CEACAM20: variants seen among roughly 807,000 people sequenced by gnomAD.
CEACAM20 encodes the protein cell adhesion molecule CEACAM20.
In CEACAM20, 50 loss-of-function variants were observed where a neutral mutation model predicts 61.2. The ratio of observed to expected loss-of-function variants is 0.82; its 90% CI spans 0.65 to 1.03. The LOEUF is 1.03. CEACAM20 is among the 50% of genes least tolerant of loss of function. The pLI is 0.00. For missense variants in CEACAM20, 683 were observed against 736.4 expected, an observed-to-expected ratio of 0.93 and a Z score of 0.84; for synonymous variants, 282 against 287.7, an observed-to-expected ratio of 0.98 and a Z score of 0.20.
chr19:44,526,203 C>T (rs1971524011), intron 1 of CEACAM20, among the ~76,000 whole-genome samples: 1 of 152,118 alleles, frequency 6.6e-6, no homozygotes, highest in African/African-American at 2.4e-5. Flanking sequence ...GAAAGGAGAA[C>T]AAGATAGCAG....
chr19:44,528,308 A>C (rs1308017478), intron 1 of CEACAM20, among the ~76,000 whole-genome samples: 1 of 150,574 alleles, frequency 6.6e-6, no homozygotes. Context: ...GGTTCACTGC[A>C]ACTTCTGCCT....
Position 44,511,870 on chromosome 19 carries a change from C to A in CEACAM20, c.1575+147G>T, listed in dbSNP as rs1016952430. 1.2e-5 allele frequency: 11 copies of A among 901,030 alleles called. No homozygotes were observed. In the African/African-American group the frequency reaches 1.5e-4, roughly 12 times the overall value. The allele number at this position is 901,030 out of a possible 1,614,324, so 55.8% of individuals were successfully genotyped here. On this transcript the variant is annotated intron_variant, in intron 9 of 11. Transcript: ENST00000614924. ...AAAAACCCGGGAGGGTCTTGAGATC[C>A]TCAGAGAAGTCAGAGGAGGAGATGC...
chr19:44,528,028 G>A (rs779326880), intron 1 of CEACAM20, among the ~76,000 whole-genome samples: 5 of 151,598 alleles, frequency 3.3e-5, no homozygotes, highest in Non-Finnish European at 1.5e-5. Context: ...CTCTCTCCCC[G>A]CGTTTCTGAA....
intron 1 of CEACAM20, among the ~76,000 whole-genome samples, chr19:44,528,632 G>A (rs548691264): frequency 6.6e-6 from 1 of 151,804 alleles, no homozygotes; most frequent in Non-Finnish European, 1.5e-5. Context: ...CTGGTTCTGT[G>A]GCTGTGACTC....
rs147633867 is a variant in CEACAM20, at chr19:44,523,409, A to AAATGAATGAATG, written c.473-509_473-498dup. Among the ~76,000 whole-genome samples the AAATGAATGAATG allele has an allele frequency of 5.3e-3, 796 of 149,910 alleles. 5 individuals are homozygous for AAATGAATGAATG. Among genetic ancestry groups the AAATGAATGAATG allele is most frequent in the African/African-American group, 0.015 (626 of 40,612 alleles). On this transcript the variant is annotated intron_variant, in intron 3 of 11. Transcript: ENST00000614924. ...GGACAGCAGAGAGAAATCTTGTCTC[A>AAATGAATGAATG]AATGAATGAATGAATGAATGAATGA...
chr19:44,513,094 G>T, intron 7 of CEACAM20, 78 bp downstream of exon 7: 1 of 1,337,772 alleles, frequency 7.5e-7, no homozygotes, highest in Admixed American at 2.0e-5. Context: ...TCAGCACCAT[G>T]GTCAGCAACA....
At chr19:44,513,366 G>A in intron 6 of CEACAM20, 77 bp from the exon 7 acceptor site, 1 of 911,420 alleles carries the variant, frequency 1.1e-6, no homozygotes, top group Admixed American at 2.4e-5. Context: ...CAAGCTTGCA[G>A]CTTTTTCTCT....
chr19:44,528,139 T>G (rs1971582692), intron 1 of CEACAM20, among the ~76,000 whole-genome samples: 1 of 129,332 alleles, frequency 7.7e-6, no homozygotes, highest in Non-Finnish European at 1.6e-5. Context: ...GGTATCTCTT[T>G]CTTTCTTTTC....
chr19:44,529,554 C>G lies in CEACAM20; in HGVS notation c.-45G>C. ...CAGTGTGCCAGGCCGTCTGTCGCCC[C>G]GGCTTGCACACACAGATACAGTCCT... On this transcript the variant is annotated 5_prime_UTR_variant, in exon 1 of 12. Transcript: ENST00000614924. 6.3e-7 allele frequency: 1 copy of G among 1,585,490 alleles called. No individual in the cohort carries two copies. Among genetic ancestry groups the G allele is most frequent in the Non-Finnish European group, 8.7e-7 (1 of 1,154,718 alleles).
chr19:44,506,299 T>C, intron 11 of CEACAM20, 85 bp from the exon 12 acceptor site: 1 of 1,197,164 alleles, frequency 8.4e-7, no homozygotes, highest in African/African-American at 1.5e-5. Flanking sequence ...CCAAACAGCC[T>C]GGAGCTTTCC....
Position 44,511,106 on chromosome 19 carries a change from T to G in CEACAM20, c.1661A>C (p.Lys554Thr). The change falls in exon 11 of 12, where the codon AAG (lysine) becomes ACG (threonine). Residue 554 changes from lysine to threonine, a missense_variant. By Grantham distance (78) the Lys-to-Thr change is moderately conservative. Transcript: ENST00000614924. ...SRRGNSFSPW[K>T]PPPKPLMPPL... is the part of the protein sequence containing the mutation. ...GGGCATCAGAGGTTTGGGTGGTGGC[T>G]TCCAGGGGCTGAAAGAATTGCCTCT... is the stretch of plus-strand genomic sequence containing the variant. 2 of 1,613,996 alleles carry G rather than the reference T, an allele frequency of 1.2e-6. No homozygotes were observed. Among genetic ancestry groups the G allele is most frequent in the South Asian group, 2.2e-5 (2 of 91,082 alleles).
rs372225801 is a variant in CEACAM20 at position 44,522,592 on chromosome 19, G to C, written c.751+42C>G. Reference sequence around the variant, plus strand: ...CCTTCTGACATGGCCAGCATCTGACGCTCAGAAGAATGAAGGAGAGGAACC... The same window carrying C: ...CCTTCTGACATGGCCAGCATCTGACCCTCAGAAGAATGAAGGAGAGGAACC... On this transcript the variant is annotated intron_variant, in intron 4 of 11. Transcript: ENST00000614924. The C allele has an allele frequency of 1.4e-5, 22 of 1,592,696 alleles. No homozygotes were observed. In the South Asian group the frequency reaches 2.0e-4, roughly 15 times the overall value.
At chr19:44,528,830 TACACACAC>T (rs150033401) in intron 1 of CEACAM20, among the ~76,000 whole-genome samples, 23,796 of 150,202 alleles carry the variant, frequency 0.16, 2,420 homozygotes, top group African/African-American at 0.26. Context: ...TCCTCAAGTA[TACACACAC>T]ACACACACAC....
At chr19:44,528,678 A>G (rs1487628806) in intron 1 of CEACAM20, among the ~76,000 whole-genome samples, 3 of 151,366 alleles carry the variant, frequency 2.0e-5, no homozygotes, top group Non-Finnish European at 2.9e-5. Context: ...CTCTGTGTAC[A>G]CAGACACACA....
Position 44,511,678 on chromosome 19 carries a change from G to A in CEACAM20, c.1576-6C>T. ...GGAAGGTCTGGTGGTTGCATCTGGG[G>A]AAAAACAAAGTTGCAGAGAGGTCAT... On this transcript the variant is annotated splice_polypyrimidine_tract_variant and splice_region_variant and intron_variant, in intron 9 of 11. Coordinates refer to ENST00000614924, the MANE Select transcript of CEACAM20 (RefSeq NM_001102597.3). 1.2e-6 allele frequency: 2 copies of A among 1,612,304 alleles called. No homozygotes were observed. The highest frequency in any genetic ancestry group is 1.7e-6 in the Non-Finnish European group (2 of 1,179,344).
At chr19:44,512,171 G>T in intron 8 of CEACAM20, 93 bp from the exon 9 acceptor site, 1 of 921,060 alleles carries the variant, frequency 1.1e-6, no homozygotes, top group Non-Finnish European at 1.7e-6. Context: ...CAGGAAGGAA[G>T]TGCAGAAATC....
intron 11 of CEACAM20, among the ~76,000 whole-genome samples, chr19:44,510,611 A>AGGAAGGAAGGAAGGAAGG (rs71171251): frequency 2.8e-5 from 2 of 72,382 alleles, no homozygotes; most frequent in African/African-American, 1.3e-4. Context: ...AAAGAAAGAA[A>AGGAAGGAAGGAAGGAAGG]AAGGAAGGAA....
chr19:44,512,895 C>T lies in CEACAM20; in HGVS notation c.1486G>A (p.Glu496Lys). The T allele has an allele frequency of 6.2e-7, 1 of 1,613,788 alleles. No individual in the cohort carries two copies. The change falls in exon 8 of 12, where the codon GAG becomes AAG. Residue 496 changes from glutamate (E) to lysine (K), a missense_variant. By Grantham distance (56) the Glu-to-Lys change is moderately conservative (BLOSUM62 1). Transcript: ENST00000614924. ...SHETSQPIPK[E>K]EHPTEPSSES... ...GAACTGGGCTCTGTGGGGTGCTCCTCCTTCGGGATGGGTTGTGAGGTCTCA... is the reference window on the plus strand; with the variant it reads ...GAACTGGGCTCTGTGGGGTGCTCCTTCTTCGGGATGGGTTGTGAGGTCTCA...
At chr19:44,519,126 T>A (rs1971277915) in intron 5 of CEACAM20, among the ~76,000 whole-genome samples, 1 of 152,164 alleles carries the variant, frequency 6.6e-6, no homozygotes. Flanking sequence ...CTCCTACTCA[T>A]CCTTCAGCTC....
Sources: allele counts gnomAD v4.1 joint callset (sites outside exome capture counted in the v4.1 genomes callset), GRCh38; gene constraint gnomAD v4.1.1; transcripts MANE v1.5; gene names NCBI Gene and HGNC (gene_info 2026-07-23, HGNC 2026-07-21).